The following NME9 variants were observed in gnomAD, a reference collection of about 807,000 sequenced individuals.
NME9 encodes the protein NME/NM23 family member 9, also known as thioredoxin domain-containing protein 6.
In NME9, 48 loss-of-function variants were observed where a neutral mutation model predicts 44.4. The ratio of observed to expected loss-of-function variants is 1.08; its 90% CI spans 0.86 to 1.37. The LOEUF is 1.37. NME9 is among the 40% of genes most tolerant of loss of function. The pLI is 0.00. For synonymous variants in NME9, 139 were observed against 147.1 expected (o/e 0.94, Z 0.40); for missense variants, 325 against 405.2 (o/e 0.80, Z 1.70).
Position 138,306,064 on chromosome 3 carries a change from A to G in NME9, c.576T>C (p.Asn192=). The part of the protein sequence containing the change: ...IQEAGFEILT[N]EERTMTEAEV... ...CTGCCTCTGTCATGGTTCTCTCTTCATTTGTTAGAATTTCAAACCCAGCTT... is the reference window on the plus strand; with the variant it reads ...CTGCCTCTGTCATGGTTCTCTCTTCGTTTGTTAGAATTTCAAACCCAGCTT... The change falls in exon 8 of 11, where the codon AAT becomes AAC. Residue 192 remains asparagine (N), a synonymous_variant. Transcript: ENST00000333911. The G allele has an allele frequency of 6.2e-7, 1 of 1,613,454 alleles. No homozygotes were observed. Among genetic ancestry groups the G allele is most frequent in the African/African-American group, 1.3e-5 (1 of 75,040 alleles).
In NME9 at chr3:138,294,902, C is replaced by CTT. The variant is rs761552356; in HGVS notation, c.745+8603_745+8604dup. Among the ~76,000 whole-genome samples, 454 of 142,038 alleles carry CTT rather than the reference C, an allele frequency of 3.2e-3. 1 individual carries two copies. Among genetic ancestry groups the CTT allele is most frequent in the African/African-American group, 0.011 (431 of 38,830 alleles). 93.2% of individuals were successfully genotyped at this position (142,038 alleles called of 152,430 possible). A position where few individuals can be genotyped will look rare whatever the true frequency, so the allele number is the denominator to read the frequency against. On this transcript the variant is annotated intron_variant, in intron 8 of 8. Transcript: ENST00000317876. Reference sequence around the variant, plus strand: ...TGGGTTTTTTTGTTTGTTTTTTGTTCTTTTTTTTTTTTTGAGATGGAGTTT... The same window carrying CTT: ...TGGGTTTTTTTGTTTGTTTTTTGTTCTTTTTTTTTTTTTTTGAGATGGAGTTT...
rs11298899 is a variant in NME9, at chr3:138,264,412, C to CTTTTTTTTTTTTTTTTTTTTTTTTTT, written c.746-1827_746-1826insAAAAAAAAAAAAAAAAAAAAAAAAAA. On this transcript the variant is annotated intron_variant, in intron 8 of 8. Transcript: ENST00000317876. Reference sequence around the variant, plus strand: ...GGGAACTACAGGCCTGATTTTCTTTCTTTTTTTTTTTTTTTTTTTTTTTTT... The same window carrying CTTTTTTTTTTTTTTTTTTTTTTTTTT: ...GGGAACTACAGGCCTGATTTTCTTTCTTTTTTTTTTTTTTTTTTTTTTTTTTTTTTTTTTTTTTTTTTTTTTTTTTT... Among the ~76,000 whole-genome samples the CTTTTTTTTTTTTTTTTTTTTTTTTTT allele has an allele frequency of 6.2e-5, 3 of 48,630 alleles. 1 individual carries two copies. Among genetic ancestry groups the CTTTTTTTTTTTTTTTTTTTTTTTTTT allele is most frequent in the Non-Finnish European group, 3.7e-5 (1 of 27,386 alleles). 31.9% of individuals were successfully genotyped at this position (48,630 alleles called of 152,430 possible).
chr3:138,324,693 TACACACACACAC>T (rs55961241), intron 2 of NME9, 168 bp downstream of exon 2: 18,615 of 530,240 alleles, frequency 0.035, 108 homozygotes, highest in East Asian at 0.078. Flanking sequence ...TCAAGCCAGA[TACACACACACAC>T]ACACACACAC....
chr3:138,271,783 A>AT (rs953322477), intron 8 of NME9, among the ~76,000 whole-genome samples: 3 of 140,170 alleles, frequency 2.1e-5, no homozygotes, highest in South Asian at 2.2e-4. Flanking sequence ...AGTTCACAAG[A>AT]TTTTTTTTTT....
At chr3:138,319,618 G>T in intron 2 of NME9, 37 bp from the exon 3 acceptor site, 2 of 1,090,110 alleles carry the variant, frequency 1.8e-6, no homozygotes, top group Non-Finnish European at 2.8e-6. Context: ...TTCAGTAGAC[G>T]CCAGTGCCCA....
chr3:138,280,245 C>G (rs566701462), intron 8 of NME9, among the ~76,000 whole-genome samples: 1 of 131,354 alleles, frequency 7.6e-6, no homozygotes, highest in Admixed American at 7.7e-5. Context: ...AGAGGTTTAG[C>G]AAAGAATCAG....
At chr3:138,263,668 C>T (rs1296613057) in intron 8 of NME9, 3 of 1,263,612 alleles carry the variant, frequency 2.4e-6, no homozygotes, top group Non-Finnish European at 3.5e-6. Context: ...TGTTAACATA[C>T]TTGCATTTAC....
chr3:138,287,761 A>G (rs1366501131), intron 8 of NME9: 4 of 450,550 alleles, frequency 8.9e-6, no homozygotes, highest in African/African-American at 4.0e-5. Context: ...ATAGTCCTAC[A>G]TGAGAAGATA....
intron 6 of NME9, among the ~76,000 whole-genome samples, chr3:138,311,663 G>A (rs2052710432): frequency 6.6e-6 from 1 of 152,110 alleles, no homozygotes; most frequent in African/African-American, 2.4e-5. Flanking sequence ...AATAGATGCT[G>A]AAAAACCATT....
intron 8 of NME9, among the ~76,000 whole-genome samples, chr3:138,280,733 C>G (rs2049821385): frequency 6.6e-6 from 1 of 151,868 alleles, no homozygotes; most frequent in Non-Finnish European, 1.5e-5. Context: ...ACCTAGTGAT[C>G]CACCCACCTC....
chr3:138,280,459 A>C lies in NME9; in HGVS notation c.746-17873T>G, dbSNP rs1483677807. ...CAGCCTCCCAAGTAGCTGGAATTAC[A>C]GGTGCCCACCACCATGCCTGGTTAC... is the stretch of plus-strand genomic sequence containing the variant. On this transcript the variant is annotated intron_variant, in intron 8 of 8. Transcript: ENST00000317876. 1.8e-4 allele frequency among the ~76,000 whole-genome samples: 27 copies of C among 148,252 alleles called. No individual in the cohort carries two copies. In the Admixed American group the frequency reaches 1.8e-3, roughly 10 times the overall value.
chr3:138,284,075 T>G (rs2050178220), intron 8 of NME9, among the ~76,000 whole-genome samples: 1 of 152,204 alleles, frequency 6.6e-6, no homozygotes, highest in Non-Finnish European at 1.5e-5. Context: ...AACATTGTGG[T>G]TTGTCACAAG....
At chr3:138,276,105 GA>G (rs1260787634) in intron 8 of NME9, among the ~76,000 whole-genome samples, 1 of 152,168 alleles carries the variant, frequency 6.6e-6, no homozygotes, top group Non-Finnish European at 1.5e-5. Flanking sequence ...AGGGCAAAAT[GA>G]AAGACCAACA....
In NME9 at chr3:138,329,318, C is replaced by G; in HGVS notation, c.18G>C (p.Lys6Asn). The change falls in exon 1 of 11, where the codon AAG becomes AAC. Residue 6 changes from lysine (K) to asparagine (N), a missense_variant. Coordinates refer to ENST00000333911, the MANE Select transcript of NME9 (RefSeq NM_001349018.2). Reference sequence around the variant, plus strand: ...TGAGGCTTACCTGCAGGGCAATTTCCTTCTTCCTGCTGCCCATGGCTCTGC... The same window carrying G: ...TGAGGCTTACCTGCAGGGCAATTTCGTTCTTCCTGCTGCCCATGGCTCTGC... MGSRK[K>N]EIALQVNIST... 2 of 1,536,152 alleles carry G rather than the reference C, an allele frequency of 1.3e-6. No individual in the cohort carries two copies. The highest frequency in any genetic ancestry group is 1.7e-6 in the Non-Finnish European group (2 of 1,146,912).
intron 2 of NME9, among the ~76,000 whole-genome samples, chr3:138,321,632 C>T (rs370609877): frequency 3.3e-5 from 5 of 152,088 alleles, no homozygotes; most frequent in Non-Finnish European, 5.9e-5. Context: ...AGAAGCAAGA[C>T]GCATGAATTC....
intron 8 of NME9, chr3:138,288,916 C>A: frequency 1.5e-6 from 1 of 666,412 alleles, no homozygotes; most frequent in Non-Finnish European, 2.6e-6. Context: ...GGATTACAGG[C>A]ATGAGCCACC....
At chr3:138,274,426 A>G (rs2049082285) in intron 8 of NME9, 1 of 1,470,500 alleles carries the variant, frequency 6.8e-7, no homozygotes, top group South Asian at 1.2e-5. Flanking sequence ...TTTGATAATT[A>G]TGGATTTCCC....
intron 8 of NME9, among the ~76,000 whole-genome samples, chr3:138,281,714 G>T (rs759321596): frequency 6.6e-6 from 1 of 152,080 alleles, no homozygotes; most frequent in East Asian, 1.9e-4. Context: ...ATGCATGGGC[G>T]TATTCTAACA....
downstream of NME9, chr3:138,298,322 G>A (rs2051663361): frequency 6.6e-6 from 1 of 152,158 alleles, no homozygotes; most frequent in African/African-American, 2.4e-5. Flanking sequence ...TCTTCTGGTA[G>A]TGTTTGGATA....
Sources: allele counts gnomAD v4.1 joint callset (sites outside exome capture counted in the v4.1 genomes callset), GRCh38; gene constraint gnomAD v4.1.1; transcripts MANE v1.5; gene names NCBI Gene and HGNC (gene_info 2026-07-23, HGNC 2026-07-21).